LRMDA: variants seen among roughly 807,000 people sequenced by gnomAD.
LRMDA encodes leucine rich melanocyte differentiation associated.
A neutral mutation model predicts 29.8 loss-of-function variants in LRMDA; 18 were observed. The ratio of observed to expected loss-of-function variants is 0.60; its 90% confidence interval spans 0.42 to 0.90. LRMDA has a LOEUF of 0.90. LRMDA is among the 40% of genes least tolerant of loss of function. LRMDA has a pLI of 0.00. For synonymous variants in LRMDA, 125 were observed against 109.4 expected, an observed-to-expected ratio of 1.14 and a Z score of -0.89; for missense variants, 273 against 273.9, an observed-to-expected ratio of 1.00 and a Z score of 0.02.
intron 5 of LRMDA, among the ~76,000 whole-genome samples, chr10:76,068,141 A>G (rs1227165499): frequency 6.6e-6 from 1 of 152,238 alleles, no homozygotes; most frequent in Non-Finnish European, 1.5e-5. Flanking sequence ...GCATGGTCCC[A>G]TTTTCTACTC....
At chr10:75,528,691 T>C (rs1357854887) in intron 2 of LRMDA, among the ~76,000 whole-genome samples, 1 of 152,040 alleles carries the variant, frequency 6.6e-6, no homozygotes, top group Non-Finnish European at 1.5e-5. Flanking sequence ...TGGGCAGAAA[T>C]TTAAGGATTG....
intron 6 of LRMDA, among the ~76,000 whole-genome samples, chr10:76,355,851 T>C (rs1841233430): frequency 6.6e-6 from 1 of 152,202 alleles, no homozygotes; most frequent in Non-Finnish European, 1.5e-5. Flanking sequence ...TAGAAAAGCC[T>C]GAACCTGGCC....
intron 2 of LRMDA, among the ~76,000 whole-genome samples, chr10:75,893,207 G>A (rs1256713823): frequency 2.0e-5 from 3 of 152,136 alleles, no homozygotes; most frequent in Admixed American, 6.5e-5. Context: ...CCTACTGTTT[G>A]CCAGTTGACC....
chr10:76,179,584 G>T (rs2132205848), intron 5 of LRMDA, among the ~76,000 whole-genome samples: 1 of 152,222 alleles, frequency 6.6e-6, no homozygotes, highest in East Asian at 1.9e-4. Flanking sequence ...ATGCTTCAAG[G>T]GATTATAAAG....
intron 5 of LRMDA, among the ~76,000 whole-genome samples, chr10:76,134,950 A>G (rs1004674032): frequency 1.3e-5 from 2 of 152,202 alleles, no homozygotes; most frequent in Non-Finnish European, 2.9e-5. Flanking sequence ...TGGAAAAAGG[A>G]CTCAATACCC....
At chr10:75,766,381 A>G (rs531211572) in intron 2 of LRMDA, among the ~76,000 whole-genome samples, 1 of 152,254 alleles carries the variant, frequency 6.6e-6, no homozygotes, top group East Asian at 1.9e-4. Flanking sequence ...ATACATGCTC[A>G]AAAAGCATTA....
intron 5 of LRMDA, among the ~76,000 whole-genome samples, chr10:76,188,534 G>A (rs1287863164): frequency 6.6e-6 from 1 of 152,158 alleles, no homozygotes; most frequent in Non-Finnish European, 1.5e-5. Flanking sequence ...CTCTTGCGGG[G>A]CCTTTGTATC....
At chr10:76,282,318 G>A (rs1346188759) in intron 5 of LRMDA, among the ~76,000 whole-genome samples, 2 of 152,194 alleles carry the variant, frequency 1.3e-5, no homozygotes, top group Non-Finnish European at 2.9e-5. Context: ...AGAAATTTAT[G>A]TGGTAATAAT....
intron 2 of LRMDA, among the ~76,000 whole-genome samples, chr10:75,475,960 C>T (rs1844787425): frequency 6.6e-6 from 1 of 152,200 alleles, no homozygotes; most frequent in African/African-American, 2.4e-5. Context: ...CCACAACATT[C>T]TAAGAGCCGC....
intron 2 of LRMDA, among the ~76,000 whole-genome samples, chr10:75,520,513 G>C (rs1845344557): frequency 6.6e-6 from 1 of 152,164 alleles, no homozygotes; most frequent in African/African-American, 2.4e-5. Flanking sequence ...CTTGTGCCAT[G>C]GTTTTCAGCT....
At chr10:75,938,605 G>C (rs1846335989) in intron 2 of LRMDA, among the ~76,000 whole-genome samples, 1 of 152,190 alleles carries the variant, frequency 6.6e-6, no homozygotes, top group Admixed American at 6.5e-5. Flanking sequence ...CAGGATGGCT[G>C]TAATTTACAG....
At chr10:76,096,335 G>A (rs1392005203) in intron 5 of LRMDA, among the ~76,000 whole-genome samples, 1 of 151,726 alleles carries the variant, frequency 6.6e-6, no homozygotes, top group African/African-American at 2.4e-5. Flanking sequence ...TTGTTTTTTT[G>A]TATACAGATA....
At chr10:75,659,901 T>C (rs1354160234) in intron 2 of LRMDA, among the ~76,000 whole-genome samples, 3 of 152,216 alleles carry the variant, frequency 2.0e-5, no homozygotes, top group Non-Finnish European at 2.9e-5. Flanking sequence ...TCCTCCTCCA[T>C]CATTGCCCTA....
At chr10:75,843,169 T>C (rs796664110) in intron 2 of LRMDA, among the ~76,000 whole-genome samples, 25 of 152,340 alleles carry the variant, frequency 1.6e-4, no homozygotes, top group African/African-American at 5.8e-4. Flanking sequence ...TTTAAGAATG[T>C]TTGAAGAGAT....
At chr10:75,975,208 G>A (rs1160111500) in intron 2 of LRMDA, among the ~76,000 whole-genome samples, 1 of 152,236 alleles carries the variant, frequency 6.6e-6, no homozygotes, top group East Asian at 1.9e-4. Flanking sequence ...TCTAGGTCAC[G>A]CAGCTCTAGG....
intron 5 of LRMDA, among the ~76,000 whole-genome samples, chr10:76,223,961 G>T (rs887948234): frequency 4.6e-5 from 7 of 152,052 alleles, no homozygotes; most frequent in Non-Finnish European, 2.9e-5. Flanking sequence ...GATATGGAAG[G>T]TTGACTGGGA....
chr10:76,303,974 G>A (rs1200419429), intron 5 of LRMDA, among the ~76,000 whole-genome samples: 1 of 152,092 alleles, frequency 6.6e-6, no homozygotes, highest in African/African-American at 2.4e-5. Flanking sequence ...CTACAACTCA[G>A]TTTTCTCCCC....
intron 2 of LRMDA, among the ~76,000 whole-genome samples, chr10:75,671,416 TCTC>T (rs1841889871): frequency 6.6e-6 from 1 of 152,102 alleles, no homozygotes; most frequent in Non-Finnish European, 1.5e-5. Context: ...ACACCGTAGA[TCTC>T]CTTGAGCTTT....
chr10:75,930,312 C>T (rs763580520), intron 2 of LRMDA, among the ~76,000 whole-genome samples: 2 of 151,296 alleles, frequency 1.3e-5, no homozygotes, highest in East Asian at 3.9e-4. Context: ...GAGCTTAGGC[C>T]TTTTATAGAT....
Sources: allele counts gnomAD v4.1 joint callset (sites outside exome capture counted in the v4.1 genomes callset), GRCh38; gene constraint gnomAD v4.1.1; transcripts MANE v1.5; gene names NCBI Gene and HGNC (gene_info 2026-07-23, HGNC 2026-07-21).